ILDR1: variants seen among roughly 807,000 people sequenced by gnomAD.
ILDR1 encodes the protein immunoglobulin like domain containing receptor 1, also known as immunoglobulin-like domain-containing receptor 1.
ILDR1 carries 56 observed loss-of-function variants against 62.4 expected under a neutral mutation model. The ratio of observed to expected loss-of-function variants is 0.90; its 90% CI spans 0.72 to 1.12. ILDR1 has a LOEUF of 1.12. ILDR1 is among the 50% of genes most tolerant of loss of function. ILDR1 has a pLI of 0.00. For synonymous variants in ILDR1, 284 were observed against 277.8 expected, an observed-to-expected ratio of 1.02 and a Z score of -0.22; for missense variants, 736 against 710.6, an observed-to-expected ratio of 1.04 and a Z score of -0.41.
the ILDR1 span, among the ~76,000 whole-genome samples, chr3:122,040,738 A>G: frequency 2.5e-3 from 124 of 48,926 alleles, 1 homozygote; most frequent in African/African-American, 0.015. Flanking sequence ...AAAAAAAAAG[A>G]AAAAAAAAAA....
At chr3:122,015,260 A>G (rs1283113451) in intron 1 of ILDR1, among the ~76,000 whole-genome samples, 1 of 152,218 alleles carries the variant, frequency 6.6e-6, no homozygotes, top group Non-Finnish European at 1.5e-5. Flanking sequence ...GTTCTAAATC[A>G]AGCCCAAAAT....
intron 1 of ILDR1, among the ~76,000 whole-genome samples, chr3:122,018,389 T>TG (rs2071806815): frequency 1.1e-4 from 3 of 26,088 alleles, no homozygotes; most frequent in African/African-American, 1.6e-4. Context: ...CAGGGCCTGT[T>TG]GGGGTGGGGG....
the ILDR1 span, among the ~76,000 whole-genome samples, chr3:122,031,249 T>A: frequency 6.6e-6 from 1 of 152,252 alleles, no homozygotes; most frequent in Admixed American, 6.5e-5. Context: ...GGGAGTTAAC[T>A]AGATCAGTAG....
upstream of ILDR1, among the ~76,000 whole-genome samples, chr3:122,026,170 G>A (rs1258858852): frequency 6.6e-6 from 1 of 152,198 alleles, no homozygotes; most frequent in Admixed American, 6.5e-5. Context: ...GGAGACAATG[G>A]AGAGCCAATG....
intron 1 of ILDR1, among the ~76,000 whole-genome samples, chr3:122,015,105 A>T (rs2071759386): frequency 6.6e-6 from 1 of 152,198 alleles, no homozygotes; most frequent in South Asian, 2.1e-4. Flanking sequence ...CACACAGACA[A>T]AGTAGTTCCT....
Position 122,012,732 on chromosome 3 carries a change from T to C in ILDR1, c.59-5571A>G, listed in dbSNP as rs144031591. On this transcript the variant is annotated intron_variant, in intron 1 of 7. Coordinates refer to ENST00000344209, the MANE Select transcript of ILDR1 (RefSeq NM_001199799.2). ...ATAGACATTCAACAAACCTAAGCTATCATTTGTATCATTTGTACTTATCTT... is the reference window on the plus strand; with the variant it reads ...ATAGACATTCAACAAACCTAAGCTACCATTTGTATCATTTGTACTTATCTT... Among the ~76,000 whole-genome samples the C allele has an allele frequency of 3.6e-3, 548 of 152,322 alleles. 3 individuals are homozygous for C. Among genetic ancestry groups the C allele is most frequent in the African/African-American group, 0.013 (521 of 41,574 alleles).
upstream of ILDR1, among the ~76,000 whole-genome samples, chr3:122,022,714 C>T (rs891070996): frequency 2.0e-5 from 3 of 152,034 alleles, no homozygotes; most frequent in East Asian, 1.9e-4. Flanking sequence ...GTCAGGAGTT[C>T]GAGACCAGCC....
chr3:122,019,161 A>G (rs1397263373), intron 1 of ILDR1, among the ~76,000 whole-genome samples: 1 of 152,164 alleles, frequency 6.6e-6, no homozygotes, highest in Non-Finnish European at 1.5e-5. Context: ...TTGACATTGG[A>G]TGAAGGCAAC....
At chr3:122,034,303 T>A in the ILDR1 span, among the ~76,000 whole-genome samples, 2 of 152,220 alleles carry the variant, frequency 1.3e-5, no homozygotes, top group African/African-American at 2.4e-5. Flanking sequence ...TAGATATTAG[T>A]TCTGATTTCA....
the ILDR1 span, among the ~76,000 whole-genome samples, chr3:122,030,805 A>G: frequency 1.1e-4 from 16 of 152,268 alleles, no homozygotes; most frequent in South Asian, 3.1e-3. Context: ...GTCTGTTTCA[A>G]TTAGTATTTG....
chr3:122,031,069 T>A, the ILDR1 span, among the ~76,000 whole-genome samples: 2 of 152,256 alleles, frequency 1.3e-5, no homozygotes, highest in African/African-American at 4.8e-5. Context: ...CCAAAGCTCA[T>A]GGCCCTGAGA....
chr3:122,050,860 T>C, the ILDR1 span, among the ~76,000 whole-genome samples: 3 of 152,340 alleles, frequency 2.0e-5, no homozygotes, highest in Non-Finnish European at 4.4e-5. Context: ...TTTGTTTGTT[T>C]AGGAAAGTCT....
rs2071591670 is a variant in ILDR1, at chr3:122,005,353, A to G, written c.270T>C (p.Asn90=). 1 of 1,614,030 alleles carries G rather than the reference A, an allele frequency of 6.2e-7. No homozygotes were observed. Among genetic ancestry groups the G allele is most frequent in the Admixed American group, 1.7e-5 (1 of 59,998 alleles). The change falls in exon 3 of 8, where the codon AAT becomes AAC. Residue 90 remains asparagine (N), a synonymous_variant. Coordinates refer to ENST00000344209, the MANE Select transcript of ILDR1 (RefSeq NM_001199799.2). ...AALSLGQDPS[N]DCNDNQREVR... is the part of the protein sequence containing the mutation. ...CTTCCCGCTGGTTGTCGTTGCAGTC[A>G]TTGGATGGGTCCTGGCCCAGGGATA... is the stretch of plus-strand genomic sequence containing the variant.
At chr3:122,050,828 C>A in the ILDR1 span, among the ~76,000 whole-genome samples, 1 of 152,102 alleles carries the variant, frequency 6.6e-6, no homozygotes, top group Non-Finnish European at 1.5e-5. Context: ...AAAGGCAACT[C>A]TAGTGATGAT....
chr3:122,060,036 AC>A, the ILDR1 span, among the ~76,000 whole-genome samples: 1 of 152,128 alleles, frequency 6.6e-6, no homozygotes, highest in Admixed American at 6.6e-5. Context: ...TGTTTAAGCC[AC>A]CCCAGTTTGT....
chr3:122,051,638 G>C, the ILDR1 span, among the ~76,000 whole-genome samples: 3,851 of 151,930 alleles, frequency 0.025, 77 homozygotes, highest in Non-Finnish European at 0.042. Flanking sequence ...GACTTATTTT[G>C]TTTCTTTGAC....
intron 5 of ILDR1, 129 bp downstream of exon 5, chr3:122,001,179 T>C (rs2071518729): frequency 9.2e-7 from 1 of 1,085,946 alleles, no homozygotes; most frequent in Admixed American, 2.0e-5. Context: ...TAATGTCCTC[T>C]GTCCCTATGA....
chr3:122,051,547 T>C, the ILDR1 span, among the ~76,000 whole-genome samples: 3 of 152,282 alleles, frequency 2.0e-5, no homozygotes, highest in Admixed American at 6.5e-5. Context: ...CCTGAACTCA[T>C]TGAGCATCAA....
At chr3:121,991,282 T>TC (rs1224612615) in intron 7 of ILDR1, among the ~76,000 whole-genome samples, 1 of 152,208 alleles carries the variant, frequency 6.6e-6, no homozygotes, top group East Asian at 1.9e-4. Flanking sequence ...CTCACCCTTT[T>TC]CTCACTTACA....
Sources: gnomAD v4.1 joint callset for allele counts (sites outside exome capture counted in the v4.1 genomes callset) on GRCh38, gnomAD v4.1.1 for gene constraint, MANE v1.5 for transcripts, NCBI Gene and HGNC (gene_info 2026-07-23, HGNC 2026-07-21) for gene names.